SNX16: variants seen among roughly 807,000 people sequenced by gnomAD.
SNX16 encodes sorting nexin-16.
Under a neutral mutation model 36.7 loss-of-function variants are expected in SNX16, and 35 were observed. The observed-to-expected ratio is 0.95, with a 90% CI of 0.73 to 1.27. The LOEUF (loss-of-function observed/expected upper bound fraction) is 1.27, where lower values mean the gene tolerates loss of function less well. SNX16 is among the 50% of genes most tolerant of loss of function. The pLI is 0.00. For missense variants in SNX16, 367 were observed against 393.6 expected (o/e 0.93, Z 0.57); for synonymous variants, 134 against 132.0 (o/e 1.02, Z -0.10).
intron 3 of SNX16, among the ~76,000 whole-genome samples, chr8:81,828,755 A>C (rs1811118021): frequency 6.6e-6 from 1 of 152,228 alleles, no homozygotes; most frequent in South Asian, 2.1e-4. Flanking sequence ...AAAGTCAAAG[A>C]GCTTCAAAGT....
At chr8:81,820,955 T>C (rs575838658) in intron 4 of SNX16, among the ~76,000 whole-genome samples, 2 of 151,464 alleles carry the variant, frequency 1.3e-5, no homozygotes, top group Non-Finnish European at 3.0e-5. Context: ...AGAAGTCTCT[T>C]ACATTGTGAA....
chr8:81,833,836 A>T (rs1305603095), intron 2 of SNX16, among the ~76,000 whole-genome samples: 2 of 152,216 alleles, frequency 1.3e-5, no homozygotes, highest in African/African-American at 4.8e-5. Flanking sequence ...AGTACTGATC[A>T]TTCCCTTCTC....
chr8:81,838,371 A>G (rs547776349), intron 2 of SNX16, among the ~76,000 whole-genome samples: 5 of 152,294 alleles, frequency 3.3e-5, no homozygotes, highest in Admixed American at 1.3e-4. Flanking sequence ...AAAAAGCTAA[A>G]GTACATACAC....
At chr8:81,807,987 G>A (rs1810046612) in intron 5 of SNX16, 2 of 805,736 alleles carry the variant, frequency 2.5e-6, no homozygotes, top group African/African-American at 1.7e-5. Context: ...ATGCAGCCGT[G>A]AATGCAAGGC....
At position 81,839,621 on chromosome 8, in the gene SNX16, A is replaced by G. The variant is rs184554261; in HGVS notation, c.366T>C (p.Ala122=). The G allele has an allele frequency of 1.9e-6, 3 of 1,609,140 alleles. No individual in the cohort carries two copies. The African/African-American group carries it at 4.0e-5, about 22-fold the overall frequency. The change falls in exon 2 of 8, where the codon GCT becomes GCC. Residue 122 remains alanine (A), a synonymous_variant. Transcript: ENST00000345957. ...AGAAGTCAATACTTACAGTAAATTTAGCTCTTTCTTCCATCACTTCATAAC... is the reference window on the plus strand; with the variant it reads ...AGAAGTCAATACTTACAGTAAATTTGGCTCTTTCTTCCATCACTTCATAAC... The part of the protein sequence containing the change: ...ILGYEVMEER[A]KFTVYKILVK...
Position 81,822,975 on chromosome 8 carries a change from T to C in SNX16, c.611+817A>G, listed in dbSNP as rs935863886. 5.0e-3 allele frequency among the ~76,000 whole-genome samples: 733 copies of C among 146,010 alleles called. 7 individuals are homozygous for C. Among genetic ancestry groups the C allele is most frequent in the Non-Finnish European group, 6.6e-3 (441 of 66,830 alleles). ...ATATATATATATATATATATATATA[T>C]ACACATATGTGTGTGTATATCTATA... On this transcript the variant is annotated intron_variant, in intron 4 of 7. Coordinates refer to ENST00000345957, the MANE Select transcript of SNX16 (RefSeq NM_152836.3).
intron 2 of SNX16, among the ~76,000 whole-genome samples, chr8:81,838,077 T>TA (rs1811570366): frequency 6.6e-6 from 1 of 152,036 alleles, no homozygotes; most frequent in East Asian, 1.9e-4. Context: ...TATGTAAACA[T>TA]AAAAGGACAA....
chr8:81,805,259 G>C (rs2130590111), intron 5 of SNX16, among the ~76,000 whole-genome samples: 1 of 152,068 alleles, frequency 6.6e-6, no homozygotes, highest in Admixed American at 6.5e-5. Context: ...AAAAATTAAA[G>C]AGAATTCTAA....
chr8:81,817,035 G>A (rs1190638659), intron 4 of SNX16, among the ~76,000 whole-genome samples: 3 of 152,086 alleles, frequency 2.0e-5, no homozygotes, highest in African/African-American at 7.2e-5. Context: ...TTATACTGGG[G>A]CACCTGCTAT....
intron 3 of SNX16, among the ~76,000 whole-genome samples, chr8:81,824,381 T>C (rs1810922087): frequency 6.6e-6 from 1 of 152,178 alleles, no homozygotes; most frequent in Non-Finnish European, 1.5e-5. Flanking sequence ...ATATTTCAGA[T>C]ACAAGTCCTT....
chr8:81,823,206 T>A (rs1264960492), intron 4 of SNX16, among the ~76,000 whole-genome samples: 1 of 151,746 alleles, frequency 6.6e-6, no homozygotes, highest in African/African-American at 2.4e-5. Context: ...TCAAAGTAGT[T>A]TTAATTTATC....
intron 7 of SNX16, among the ~76,000 whole-genome samples, chr8:81,802,143 A>T (rs1339122858): frequency 6.6e-6 from 1 of 151,728 alleles, no homozygotes; most frequent in Non-Finnish European, 1.5e-5. Context: ...ACACAGCTCT[A>T]AAGTAAGTAA....
At chr8:81,804,161 A>C (rs1809833375) in intron 5 of SNX16, among the ~76,000 whole-genome samples, 1 of 151,974 alleles carries the variant, frequency 6.6e-6, no homozygotes, top group Non-Finnish European at 1.5e-5. Flanking sequence ...TCAAGGTAGA[A>C]TTCTACACTC....
chr8:81,809,204 T>C (rs1271026399), intron 5 of SNX16, among the ~76,000 whole-genome samples: 1 of 152,164 alleles, frequency 6.6e-6, no homozygotes, highest in Non-Finnish European at 1.5e-5. Flanking sequence ...GGGGAAGTCA[T>C]TGTCTTCAGA....
chr8:81,813,796 A>T (rs1402770985), intron 5 of SNX16, among the ~76,000 whole-genome samples: 1 of 151,978 alleles, frequency 6.6e-6, no homozygotes, highest in Non-Finnish European at 1.5e-5. Flanking sequence ...AGAAAACATG[A>T]ATGGCTAAAA....
Position 81,831,597 on chromosome 8 carries a change from C to T in SNX16, c.376-2081G>A, listed in dbSNP as rs187122494. ...CCTGTAATCCCAGCTACTCGGGAGG[C>T]TGAGATGGGAGAATTGCTTGAACCT... On this transcript the variant is annotated intron_variant, in intron 2 of 7. Transcript: ENST00000345957. Among the ~76,000 whole-genome samples the T allele has an allele frequency of 2.0e-5, 3 of 149,686 alleles. No homozygotes were observed. In the East Asian group the frequency reaches 6.0e-4, roughly 30 times the overall value.
intron 5 of SNX16, 58 bp from the exon 6 acceptor site, chr8:81,803,286 C>A: frequency 6.7e-7 from 1 of 1,492,584 alleles, no homozygotes; most frequent in South Asian, 1.3e-5. Context: ...CAATTAATTA[C>A]AAATGCAGTA....
chr8:81,801,584 A>C lies in SNX16; in HGVS notation c.948T>G (p.Asn316Lys), dbSNP rs755297901. ...GTTCACTAAAACTTAAGCATGGTTT[A>C]TTATCAGCTCTGCAAAAAAAAAAAA... ...DVLDEESRAD[N>K]KPCLSFSEPE... Residue 316 changes from asparagine to lysine, a missense_variant, in exon 8 of 8, where the codon AAT becomes AAG. Transcript: ENST00000345957. 4 of 1,429,880 alleles carry C rather than the reference A, an allele frequency of 2.8e-6. No homozygotes were observed. Among genetic ancestry groups the C allele is most frequent in the East Asian group, 4.8e-5 (2 of 41,860 alleles). 88.6% of individuals were successfully genotyped at this position (1,429,880 alleles called of 1,614,324 possible).
intron 5 of SNX16, among the ~76,000 whole-genome samples, chr8:81,810,282 C>T (rs1810176079): frequency 6.6e-6 from 1 of 151,932 alleles, no homozygotes; most frequent in South Asian, 2.1e-4. Flanking sequence ...TCTTTTAGTA[C>T]AAGTATATGA....
Sources: allele counts gnomAD v4.1 joint callset (sites outside exome capture counted in the v4.1 genomes callset), GRCh38; gene constraint gnomAD v4.1.1; transcripts MANE v1.5; gene names NCBI Gene and HGNC (gene_info 2026-07-23, HGNC 2026-07-21).